ZNF468: variants seen among roughly 807,000 people sequenced by gnomAD.
ZNF468 encodes zinc finger protein 468.
ZNF468 carries 8 observed loss-of-function variants against 7.2 expected under a neutral mutation model. That is an observed-to-expected ratio of 1.11 (90% confidence interval 0.65 to 2.01). The LOEUF (loss-of-function observed/expected upper bound fraction) is 2.01. Among genes scored for constraint, ZNF468 ranks in the 30% most tolerant of loss-of-function variants. The pLI is 0.00. For synonymous variants in ZNF468, 218 were observed against 214.4 expected, an observed-to-expected ratio of 1.02 and a Z score of -0.15; for missense variants, 608 against 626.5, an observed-to-expected ratio of 0.97 and a Z score of 0.31.
chr19:52,841,456 A>G lies in ZNF468; in HGVS notation c.838T>C (p.Phe280Leu), dbSNP rs952752298. ...PYKCNECGKT[F>L]GHNSSLFIHK... is the part of the protein sequence containing the mutation. ...ATGAAGAGGGATGAATTATGACCAA[A>G]GGTCTTGCCACACTCATTACACTTG... is the stretch of plus-strand genomic sequence containing the variant. Residue 280 changes from phenylalanine (F) to leucine (L), a missense_variant, in exon 4 of 4, where the codon TTT becomes CTT. By Grantham distance (22) the Phe-to-Leu change is conservative (BLOSUM62 0). Transcript: ENST00000595646. 8 of 1,613,966 alleles carry G rather than the reference A, an allele frequency of 5.0e-6. No individual in the cohort carries two copies. The African/African-American group carries it at 1.1e-4, about 22-fold the overall frequency.
chr19:52,843,758 G>A (rs1168122106), intron 3 of ZNF468, among the ~76,000 whole-genome samples: 1 of 152,136 alleles, frequency 6.6e-6, no homozygotes, highest in African/African-American at 2.4e-5. Context: ...TGTAAGAACT[G>A]AAATAGATGT....
At chr19:52,846,932 C>T (rs979808544) in intron 3 of ZNF468, among the ~76,000 whole-genome samples, 6 of 151,906 alleles carry the variant, frequency 3.9e-5, no homozygotes, top group East Asian at 1.9e-4. Context: ...GCCCGGGAGG[C>T]GGAGGCTGCA....
chr19:52,842,207 T>C, intron 3 of ZNF468, 56 bp from the exon 4 acceptor site: 1 of 1,384,554 alleles, frequency 7.2e-7, no homozygotes, highest in Non-Finnish European at 9.7e-7. Context: ...TATATAATAC[T>C]GAAATGTGTA....
rs750463269 is a variant in ZNF468 at position 52,841,706 on chromosome 19, G to A, written c.588C>T (p.Ser196=). The A allele has an allele frequency of 7.4e-6, 12 of 1,613,952 alleles. 1 individual carries two copies. The highest frequency in any genetic ancestry group is 1.6e-4 in the Middle Eastern group (1 of 6,062). ...THISNKYGNN[S]LHSSLLTQKW... is the part of the protein sequence containing the mutation. ...TTTGTGTGAGTAATGAAGAATGGAG[G>A]GAATTATTTCCATACTTATTAGAAA... is the stretch of plus-strand genomic sequence containing the variant. Residue 196 remains serine (S), a synonymous_variant, in exon 4 of 4, where the codon TCC becomes TCT. Coordinates refer to ENST00000595646, the MANE Select transcript of ZNF468 (RefSeq NM_001008801.2).
intron 1 of ZNF468, among the ~76,000 whole-genome samples, chr19:52,856,408 C>T (rs4803011): frequency 0.85 from 127,068 of 149,540 alleles, 53,924 homozygotes; most frequent in African/African-American, 0.9. Flanking sequence ...ATTTAACCTC[C>T]TGTTGGTCCT....
intron 2 of ZNF468, chr19:52,853,961 C>T (rs774933236): frequency 3.5e-6 from 5 of 1,442,588 alleles, no homozygotes; most frequent in Admixed American, 2.6e-5. Context: ...CCAGATGTGG[C>T]CCCTGAACAA....
chr19:52,841,325 T>G lies in ZNF468; in HGVS notation c.969A>C (p.Gly323=). The change falls in exon 4 of 4, where the codon GGA becomes GGC. Residue 323 remains glycine (G), a synonymous_variant. Coordinates refer to ENST00000595646, the MANE Select transcript of ZNF468 (RefSeq NM_001008801.2). The stretch of plus-strand genomic sequence containing the variant: ...AAACCTTACATTTGTATGGTTTCTC[T>G]CCAGTATGAATCCTCTTATGTCTTT... The part of the protein sequence containing the change: ...HLERHKRIHT[G]EKPYKCKVCD... 1 of 1,613,974 alleles carries G rather than the reference T, an allele frequency of 6.2e-7. No homozygotes were observed. Among genetic ancestry groups the G allele is most frequent in the Non-Finnish European group, 8.5e-7 (1 of 1,179,944 alleles).
intron 3 of ZNF468, among the ~76,000 whole-genome samples, chr19:52,846,791 G>A (rs531733849): frequency 1.3e-5 from 2 of 152,044 alleles, no homozygotes; most frequent in Admixed American, 1.3e-4. Context: ...CACTTGAGAT[G>A]AGGAGTTTGA....
At chr19:52,848,950 G>A in intron 3 of ZNF468, 137 bp downstream of exon 3, 6 of 1,426,562 alleles carry the variant, frequency 4.2e-6, no homozygotes, top group Non-Finnish European at 4.7e-6. Flanking sequence ...AAGTCCAGAT[G>A]CTACATCATG....
At chr19:52,845,212 G>A (rs1478651169) in intron 3 of ZNF468, 2 of 152,094 alleles carry the variant, frequency 1.3e-5, no homozygotes, top group Non-Finnish European at 2.9e-5. Flanking sequence ...GCTGAGGCAG[G>A]AGAATTGCTT....
In ZNF468 at chr19:52,841,571, T is replaced by G. The variant is rs1408297278; in HGVS notation, c.723A>C (p.Lys241Asn). Residue 241 changes from lysine (K) to asparagine (N), a missense_variant, in exon 4 of 4, where the codon AAA becomes AAC. Lys to Asn is a moderately conservative substitution (Grantham distance 94). Transcript: ENST00000595646. ...TGCCACATACATCACATTTACATTG[T>G]TTCTCTTCTAAGTGAATTATCTGAT... ...KKHQIIHLEE[K>N]QCKCDVCGKV... The G allele has an allele frequency of 6.2e-7, 1 of 1,614,138 alleles. No individual in the cohort carries two copies. Among genetic ancestry groups the G allele is most frequent in the South Asian group, 1.1e-5 (1 of 91,060 alleles).
intron 3 of ZNF468, among the ~76,000 whole-genome samples, chr19:52,847,118 C>T (rs932671236): frequency 2.0e-5 from 3 of 152,114 alleles, no homozygotes; most frequent in Non-Finnish European, 4.4e-5. Flanking sequence ...ATAAGAAACT[C>T]CATTTTGATC....
At chr19:52,845,896 A>G (rs1385198536) in intron 3 of ZNF468, among the ~76,000 whole-genome samples, 3 of 151,602 alleles carry the variant, frequency 2.0e-5, no homozygotes, top group Non-Finnish European at 4.4e-5. Flanking sequence ...CCAGCTACTC[A>G]GGAGGCTGAG....
chr19:52,843,753 G>A (rs1030711265), intron 3 of ZNF468, among the ~76,000 whole-genome samples: 6 of 152,140 alleles, frequency 3.9e-5, no homozygotes, highest in Non-Finnish European at 8.8e-5. Flanking sequence ...CACAGTGTAA[G>A]AACTGAAATA....
chr19:52,848,138 G>A (rs2063355397), intron 3 of ZNF468, among the ~76,000 whole-genome samples: 1 of 152,162 alleles, frequency 6.6e-6, no homozygotes, highest in Non-Finnish European at 1.5e-5. Context: ...ATTTGAAGGT[G>A]GAACTTCCAC....
intron 2 of ZNF468, among the ~76,000 whole-genome samples, chr19:52,851,936 A>G: frequency 6.6e-6 from 1 of 152,114 alleles, no homozygotes; most frequent in Non-Finnish European, 1.5e-5. Flanking sequence ...ATGTGTGTGT[A>G]TGTATGTATG....
chr19:52,856,665 G>GACTC, intron 1 of ZNF468, among the ~76,000 whole-genome samples: 1 of 144,288 alleles, frequency 6.9e-6, no homozygotes, highest in African/African-American at 2.5e-5. Flanking sequence ...ACTCTGATGA[G>GACTC]CCTCCACATT....
chr19:52,849,319 T>C, intron 2 of ZNF468, 106 bp from the exon 3 acceptor site: 3 of 1,573,650 alleles, frequency 1.9e-6, no homozygotes, highest in Non-Finnish European at 2.6e-6. Flanking sequence ...CTGTAGAGAA[T>C]GTTCTGACAA....
chr19:52,843,793 G>A (rs1301238839), intron 3 of ZNF468, among the ~76,000 whole-genome samples: 3 of 152,136 alleles, frequency 2.0e-5, no homozygotes, highest in Admixed American at 1.3e-4. Flanking sequence ...TCTGATATAT[G>A]AGGTCAAGAA....
Sources: allele counts gnomAD v4.1 joint callset (sites outside exome capture counted in the v4.1 genomes callset), GRCh38; gene constraint gnomAD v4.1.1; transcripts MANE v1.5; gene names NCBI Gene and HGNC (gene_info 2026-07-23, HGNC 2026-07-21).